The following EHMT1 variants were observed in gnomAD, a reference collection of about 807,000 sequenced individuals.
EHMT1 encodes the protein euchromatic histone lysine methyltransferase 1, also known as histone-lysine N-methyltransferase EHMT1.
In EHMT1, 15 loss-of-function variants were observed where a neutral mutation model predicts 147.2. The observed-to-expected ratio is 0.10, with a 90% CI of 0.07 to 0.16. The LOEUF (loss-of-function observed/expected upper bound fraction) is 0.16, where lower values mean the gene tolerates loss of function less well. EHMT1 is among the 10% of genes least tolerant of loss of function. The probability of loss-of-function intolerance (pLI) is 1.00; values close to 1 mark genes in which losing one functional copy is unlikely to be tolerated. For synonymous variants in EHMT1, 795 were observed against 709.6 expected (o/e 1.12, Z -1.91); for missense variants, 1,587 against 1,772.4 (o/e 0.90, Z 1.88).
chr9:137,655,571 A>G (rs1243349590), intron 1 of EHMT1, among the ~76,000 whole-genome samples: 3 of 152,230 alleles, frequency 2.0e-5, no homozygotes, highest in Admixed American at 6.5e-5. Context: ...TTTTTTATGC[A>G]GGGGTCCCCA....
chr9:137,619,835 C>T (rs1417159664), intron 1 of EHMT1, among the ~76,000 whole-genome samples: 3 of 151,930 alleles, frequency 2.0e-5, no homozygotes, highest in Non-Finnish European at 2.9e-5. Flanking sequence ...GGACCACTGG[C>T]GTCCCTCTGA....
chr9:137,709,402 C>A (rs776363842), intron 1 of EHMT1, among the ~76,000 whole-genome samples: 1 of 152,178 alleles, frequency 6.6e-6, no homozygotes, highest in African/African-American at 2.4e-5. Flanking sequence ...CCTGGGCCCC[C>A]CTGCCTTACC....
chr9:137,752,556 G>A, intron 7 of EHMT1, 148 bp downstream of exon 7: 6 of 924,126 alleles, frequency 6.5e-6, no homozygotes, highest in Non-Finnish European at 1.0e-5. Context: ...CCACAGATGG[G>A]TCCTGTCCCT....
intron 15 of EHMT1, chr9:137,785,956 G>A (rs1294630099): frequency 6.6e-6 from 1 of 152,308 alleles, no homozygotes; most frequent in Non-Finnish European, 1.5e-5. Context: ...GTTCCTTTGT[G>A]TCTGCTTCCG....
intron 1 of EHMT1, among the ~76,000 whole-genome samples, chr9:137,709,120 C>G (rs542826973): frequency 5.3e-5 from 8 of 152,250 alleles, no homozygotes; most frequent in Non-Finnish European, 1.2e-4. Flanking sequence ...TGGGCACCGT[C>G]TGTGCAAATA....
chr9:137,753,596 A>C (rs912477870), intron 7 of EHMT1, among the ~76,000 whole-genome samples: 11 of 152,196 alleles, frequency 7.2e-5, no homozygotes, highest in African/African-American at 2.4e-4. Context: ...TCCCCCGCCC[A>C]CTGTGGCCTG....
At position 137,743,956 on chromosome 9, in the gene EHMT1, A is replaced by G. The variant is rs1343474221; in HGVS notation, c.1036A>G (p.Met346Val). ...GCACGTGAATGGGGAGAGCCTGGAG[A>G]TGGACTCGGATGAGGACGACTCAGA... ...SLHVNGESLE[M>V]DSDEDDSEEL... Residue 346 changes from methionine (M) to valine (V), a missense_variant, in exon 6 of 27, where the codon ATG becomes GTG. Met to Val is a conservative substitution (Grantham distance 21). Coordinates refer to ENST00000460843, the MANE Select transcript of EHMT1 (RefSeq NM_024757.5). The G allele has an allele frequency of 6.2e-7, 1 of 1,613,702 alleles. No individual in the cohort carries two copies. Among genetic ancestry groups the G allele is most frequent in the African/African-American group, 1.3e-5 (1 of 74,940 alleles).
chr9:137,814,800 G>A (rs566160237), intron 22 of EHMT1: 90 of 571,352 alleles, frequency 1.6e-4, no homozygotes, highest in Admixed American at 3.0e-4. Flanking sequence ...CCAGGAGGAG[G>A]TGCTGCTTAT....
intron 8 of EHMT1, among the ~76,000 whole-genome samples, chr9:137,756,184 C>A (rs943311203): frequency 6.6e-6 from 1 of 152,214 alleles, no homozygotes; most frequent in African/African-American, 2.4e-5. Context: ...TCCGCGCTTG[C>A]CTGTCGGTTC....
chr9:137,831,750 G>A (rs935864658), intron 25 of EHMT1, among the ~76,000 whole-genome samples: 1 of 152,234 alleles, frequency 6.6e-6, no homozygotes, highest in Non-Finnish European at 1.5e-5. Context: ...CGTTTCCTCA[G>A]TGTTTCAAGC....
chr9:137,652,132 A>G (rs537783725), intron 1 of EHMT1, among the ~76,000 whole-genome samples: 1 of 152,310 alleles, frequency 6.6e-6, no homozygotes, highest in East Asian at 1.9e-4. Flanking sequence ...ACCATAGGAG[A>G]TGACGGCTCC....
chr9:137,809,919 C>T (rs1366041025), intron 18 of EHMT1, among the ~76,000 whole-genome samples: 1,505 of 105,522 alleles, frequency 0.014, 20 homozygotes, highest in African/African-American at 0.1. Flanking sequence ...CTGTGTGGAC[C>T]GTCGGTGATG....
At chr9:137,770,532 C>T (rs1376520075) in intron 10 of EHMT1, among the ~76,000 whole-genome samples, 1 of 152,202 alleles carries the variant, frequency 6.6e-6, no homozygotes, top group Non-Finnish European at 1.5e-5. Flanking sequence ...CCAAGTAATT[C>T]TCTGGGGGGA....
intron 1 of EHMT1, among the ~76,000 whole-genome samples, chr9:137,679,222 T>A (rs1941701532): frequency 6.6e-6 from 1 of 152,206 alleles, no homozygotes; most frequent in African/African-American, 2.4e-5. Context: ...GTGCTGGGAT[T>A]ACAGGTGTGA....
intron 2 of EHMT1, among the ~76,000 whole-genome samples, chr9:137,711,406 C>G (rs999221070): frequency 6.6e-6 from 1 of 152,292 alleles, no homozygotes; most frequent in African/African-American, 2.4e-5. Context: ...CGTGGTACAT[C>G]CACACAGTGG....
At position 137,823,350 on chromosome 9, in the gene EHMT1, G is replaced by A. The variant is rs371732102; in HGVS notation, c.3540+5212G>A. ...CCTGACCTTGTGATCTGCCCATCTC[G>A]GCCTCCCAAAGTGCTGGGATTACAG... On this transcript the variant is annotated intron_variant, in intron 25 of 26. Transcript: ENST00000460843. The A allele has an allele frequency of 1.7e-4, 53 of 306,104 alleles. No homozygotes were observed. In the East Asian group the frequency reaches 3.0e-3, roughly 17 times the overall value. The allele number at this position is 306,104 out of a possible 1,614,324, so 19.0% of individuals were successfully genotyped here.
intron 1 of EHMT1, among the ~76,000 whole-genome samples, chr9:137,644,037 G>A (rs985515868): frequency 6.6e-6 from 1 of 152,180 alleles, no homozygotes; most frequent in Non-Finnish European, 1.5e-5. Context: ...CTTGAGGGCC[G>A]CTCCTCCCTT....
intron 1 of EHMT1, among the ~76,000 whole-genome samples, chr9:137,699,174 AAGTTTAAT>A (rs772661566): frequency 3.9e-5 from 6 of 152,236 alleles, no homozygotes; most frequent in Non-Finnish European, 7.3e-5. Context: ...CTCTTCACAA[AAGTTTAAT>A]AATTTATACT....
rs747921781 is a variant in EHMT1, at chr9:137,811,520, C to T, written c.2772C>T (p.Ile924=). The T allele has an allele frequency of 2.5e-6, 4 of 1,611,600 alleles. No individual in the cohort carries two copies. The highest frequency in any genetic ancestry group is 2.5e-6 in the Non-Finnish European group (3 of 1,180,010). The change falls in exon 19 of 27, where the codon ATC becomes ATT. Residue 924 remains isoleucine (I), a synonymous_variant. Transcript: ENST00000460843. ...AFSGCVDIAE[I]LLAAKCDLHA... ...CCGGCTGCGTGGACATAGCCGAGATCCTGCTGGCTGCCAAGTGCGACCTCC... is the reference window on the plus strand; with the variant it reads ...CCGGCTGCGTGGACATAGCCGAGATTCTGCTGGCTGCCAAGTGCGACCTCC...
Sources: allele counts gnomAD v4.1 joint callset (sites outside exome capture counted in the v4.1 genomes callset), GRCh38; gene constraint gnomAD v4.1.1; transcripts MANE v1.5; gene names NCBI Gene and HGNC (gene_info 2026-07-23, HGNC 2026-07-21).